The following VSTM2L variants were observed in gnomAD, a reference collection of about 807,000 sequenced individuals.
VSTM2L encodes V-set and transmembrane domain containing 2 like.
Under a neutral mutation model 19.9 loss-of-function variants are expected in VSTM2L, and 9 were observed. The ratio of observed to expected loss-of-function variants is 0.45; its 90% CI spans 0.27 to 0.79. VSTM2L has a LOEUF of 0.79. VSTM2L is among the 30% of genes least tolerant of loss of function. The probability of loss-of-function intolerance (pLI) is 0.15; values close to 1 mark genes in which losing one functional copy is unlikely to be tolerated. For synonymous variants in VSTM2L, 127 were observed against 133.8 expected (o/e 0.95, Z 0.35); for missense variants, 286 against 295.5 (o/e 0.97, Z 0.24).
chr20:37,933,465 C>A, intron 2 of VSTM2L, 74 bp from the exon 3 acceptor site: 4 of 1,229,170 alleles, frequency 3.3e-6, no homozygotes, highest in Non-Finnish European at 4.7e-6. Context: ...TGTGTCTCCC[C>A]ACACTGCCAC....
At position 37,927,864 on chromosome 20, in the gene VSTM2L, C is replaced by T. The variant is rs112946432; in HGVS notation, c.122-3771C>T. ...CATTGTCTCCCGTGCCCCCGCCCAC[C>T]ACACATGGTTCCCACCTCACCCGTG... On this transcript the variant is annotated intron_variant, in intron 1 of 3. Transcript: ENST00000373461. 2.0e-3 allele frequency among the ~76,000 whole-genome samples: 306 copies of T among 152,324 alleles called. 2 individuals are homozygous for T. Among genetic ancestry groups the T allele is most frequent in the African/African-American group, 6.8e-3 (282 of 41,566 alleles).
intron 1 of VSTM2L, among the ~76,000 whole-genome samples, chr20:37,908,219 C>G (rs1161611420): frequency 1.3e-5 from 2 of 152,174 alleles, no homozygotes; most frequent in African/African-American, 2.4e-5. Flanking sequence ...AGGCGGCCAG[C>G]AGGACGCAGG....
At chr20:37,920,492 C>T (rs543479427) in intron 1 of VSTM2L, among the ~76,000 whole-genome samples, 50 of 152,336 alleles carry the variant, frequency 3.3e-4, no homozygotes, top group African/African-American at 1.2e-3. Context: ...TTCTTGGTTG[C>T]GTTTCACAAG....
intron 1 of VSTM2L, among the ~76,000 whole-genome samples, chr20:37,924,762 T>A (rs1366935096): frequency 2.0e-5 from 3 of 151,662 alleles, no homozygotes; most frequent in African/African-American, 4.9e-5. Flanking sequence ...TCACTCAGAG[T>A]TAGGAGAGGG....
intron 2 of VSTM2L, 151 bp downstream of exon 2, chr20:37,931,955 G>A (rs2072912979): frequency 1.0e-6 from 1 of 995,848 alleles, no homozygotes; most frequent in African/African-American, 1.6e-5. Flanking sequence ...TCTTCCTCCT[G>A]GGGTGGGGGT....
chr20:37,933,883 G>C (rs2072924796), intron 3 of VSTM2L, among the ~76,000 whole-genome samples: 1 of 152,152 alleles, frequency 6.6e-6, no homozygotes, highest in South Asian at 2.1e-4. Flanking sequence ...TTTTTATTTG[G>C]GGAACCAATG....
intron 1 of VSTM2L, among the ~76,000 whole-genome samples, chr20:37,930,822 A>G: frequency 6.6e-6 from 1 of 152,226 alleles, no homozygotes; most frequent in East Asian, 1.9e-4. Flanking sequence ...TACCCATTCC[A>G]TCCGCCGAGC....
intron 3 of VSTM2L, among the ~76,000 whole-genome samples, chr20:37,939,480 AT>A (rs2072959495): frequency 6.6e-6 from 1 of 152,196 alleles, no homozygotes; most frequent in Admixed American, 6.5e-5. Context: ...AACTTATCAC[AT>A]CATCTCACAG....
At position 37,944,340 on chromosome 20, in the gene VSTM2L, G is replaced by A. The variant is rs1304290380; in HGVS notation, c.*87G>A. On this transcript the variant is annotated 3_prime_UTR_variant, in exon 4 of 4. Coordinates refer to ENST00000373461, the MANE Select transcript of VSTM2L (RefSeq NM_080607.3). Reference sequence around the variant, plus strand: ...GGACCACCGGGGACCGACTGCCTGCGTCCAGCCGCGCCCCATCCCCGAGGC... The same window carrying A: ...GGACCACCGGGGACCGACTGCCTGCATCCAGCCGCGCCCCATCCCCGAGGC... 30 of 1,317,436 alleles carry A rather than the reference G, an allele frequency of 2.3e-5. No homozygotes were observed. The highest frequency in any genetic ancestry group is 1.1e-4 in the South Asian group (6 of 54,966). 81.6% of individuals were successfully genotyped at this position (1,317,436 alleles called of 1,614,324 possible).
At chr20:37,931,544 G>C in intron 1 of VSTM2L, 91 bp from the exon 2 acceptor site, 8 of 1,373,194 alleles carry the variant, frequency 5.8e-6, no homozygotes, top group East Asian at 2.4e-5. Context: ...CCGCCGTGCA[G>C]GGCCAGCTGT....
Position 37,945,038 on chromosome 20 carries a change from A to C in VSTM2L, c.*785A>C, listed in dbSNP as rs1169539521. 15 of 985,416 alleles carry C rather than the reference A, an allele frequency of 1.5e-5. No homozygotes were observed. Among genetic ancestry groups the C allele is most frequent in the Non-Finnish European group, 1.6e-5 (13 of 829,878 alleles). 61.0% of individuals were successfully genotyped at this position (985,416 alleles called of 1,614,324 possible). On this transcript the variant is annotated 3_prime_UTR_variant, in exon 4 of 4. Transcript: ENST00000373461. ...AGGAGTCCCCCTCTGCCGGCCCCCC[A>C]ATGCCCCAGCTCCCTCTTGGGTCCT...
chr20:37,915,859 T>A (rs1435002148), intron 1 of VSTM2L, among the ~76,000 whole-genome samples: 1 of 152,020 alleles, frequency 6.6e-6, no homozygotes, highest in Non-Finnish European at 1.5e-5. Context: ...TTCTGGAACA[T>A]CCCAAGTGCC....
intron 3 of VSTM2L, among the ~76,000 whole-genome samples, chr20:37,943,741 C>A (rs1318567519): frequency 6.6e-6 from 1 of 152,166 alleles, no homozygotes; most frequent in African/African-American, 2.4e-5. Flanking sequence ...TTTCGGACCA[C>A]TCTGCAGTGC....
chr20:37,919,557 A>G (rs1017304188), intron 1 of VSTM2L, among the ~76,000 whole-genome samples: 7 of 152,206 alleles, frequency 4.6e-5, no homozygotes, highest in Middle Eastern at 6.3e-3. Flanking sequence ...CTGGGACCTC[A>G]TTAAATCCTC....
chr20:37,939,739 A>G (rs1401476678), intron 3 of VSTM2L, among the ~76,000 whole-genome samples: 2 of 152,104 alleles, frequency 1.3e-5, no homozygotes, highest in Admixed American at 6.6e-5. Flanking sequence ...CATTACCAGG[A>G]TCTGGCTGGC....
At chr20:37,928,271 A>G (rs1367676290) in intron 1 of VSTM2L, among the ~76,000 whole-genome samples, 2 of 152,186 alleles carry the variant, frequency 1.3e-5, no homozygotes, top group Non-Finnish European at 2.9e-5. Flanking sequence ...GCAACCCACT[A>G]GAATCACCTC....
chr20:37,921,202 C>A (rs1250089129), intron 1 of VSTM2L, among the ~76,000 whole-genome samples: 4 of 152,196 alleles, frequency 2.6e-5, no homozygotes, highest in Non-Finnish European at 4.4e-5. Context: ...GGGAGAGTAC[C>A]TTTAGGCAGA....
chr20:37,912,792 G>A lies in VSTM2L; in HGVS notation c.121+9321G>A, dbSNP rs560146942. On this transcript the variant is annotated intron_variant, in intron 1 of 3. Transcript: ENST00000373461. ...CCGTACCTGGGAAGTGCCCTCCACC[G>A]GCCCCTTACTCTCTGGATCTCTCTC... 3.9e-5 allele frequency among the ~76,000 whole-genome samples: 6 copies of A among 152,230 alleles called. No homozygotes were observed. In the South Asian group the frequency reaches 8.3e-4, roughly 21 times the overall value.
chr20:37,908,374 A>G (rs1471807512), intron 1 of VSTM2L, among the ~76,000 whole-genome samples: 1 of 152,074 alleles, frequency 6.6e-6, no homozygotes, highest in African/African-American at 2.4e-5. Context: ...TTTGGAATGA[A>G]TCATGGAGGC....
Sources: allele counts gnomAD v4.1 joint callset (sites outside exome capture counted in the v4.1 genomes callset), GRCh38; gene constraint gnomAD v4.1.1; transcripts MANE v1.5; gene names NCBI Gene and HGNC (gene_info 2026-07-23, HGNC 2026-07-21).